Variants in FSHR observed in about 807,000 individuals in gnomAD.
The protein encoded by FSHR is follicle stimulating hormone receptor.
FSHR carries 46 observed loss-of-function variants against 52.1 expected under a neutral mutation model. The observed-to-expected ratio is 0.88, with a 90% CI of 0.70 to 1.13. FSHR has a LOEUF of 1.13. FSHR is among the 50% of genes most tolerant of loss of function. The pLI is 0.00. For missense variants in FSHR, 964 were observed against 834.6 expected (o/e 1.16, Z -1.91); for synonymous variants, 399 against 309.6 (o/e 1.29, Z -3.03).
At chr2:48,988,860 T>A (rs769821124) in intron 6 of FSHR, 117 bp downstream of exon 6, 2 of 782,866 alleles carry the variant, frequency 2.6e-6, no homozygotes, top group East Asian at 2.7e-5. Context: ...TGGAGAGTGA[T>A]TTAAGTGGAG....
chr2:49,139,598 A>AT (rs35872152), intron 1 of FSHR, among the ~76,000 whole-genome samples: 7,278 of 139,208 alleles, frequency 0.052, 583 homozygotes, highest in African/African-American at 0.18. Context: ...ACTTCCAAGA[A>AT]TTTTTTTTTT....
chr2:49,123,246 A>T (rs1671880391), intron 1 of FSHR, among the ~76,000 whole-genome samples: 1 of 152,104 alleles, frequency 6.6e-6, no homozygotes, highest in Non-Finnish European at 1.5e-5. Context: ...CACATCTATA[A>T]TCCTAGCACT....
At chr2:49,049,951 T>C (rs1010845425) in intron 2 of FSHR, among the ~76,000 whole-genome samples, 5 of 151,934 alleles carry the variant, frequency 3.3e-5, no homozygotes, top group Non-Finnish European at 5.9e-5. Context: ...AGTTCTTAGA[T>C]ACTGTAGAGT....
At chr2:49,116,374 G>T (rs1671600989) in intron 1 of FSHR, among the ~76,000 whole-genome samples, 2 of 152,258 alleles carry the variant, frequency 1.3e-5, no homozygotes, top group South Asian at 4.1e-4. Flanking sequence ...GTTACTTAGA[G>T]GCAAGGGGGT....
chr2:49,008,305 C>T (rs1010478586), intron 4 of FSHR, among the ~76,000 whole-genome samples: 1 of 140,354 alleles, frequency 7.1e-6, no homozygotes. Flanking sequence ...CGATAGTTTA[C>T]TGAGAATGAT....
intron 1 of FSHR, among the ~76,000 whole-genome samples, chr2:49,095,589 C>T: frequency 6.6e-6 from 1 of 151,934 alleles, no homozygotes; most frequent in East Asian, 1.9e-4. Context: ...AAATATGATG[C>T]CCAAAGCATA....
intron 1 of FSHR, among the ~76,000 whole-genome samples, chr2:49,120,798 C>G (rs1169637451): frequency 6.6e-6 from 1 of 152,234 alleles, no homozygotes; most frequent in African/African-American, 2.4e-5. Flanking sequence ...ACCACATTTG[C>G]TGACCTGTAG....
chr2:48,983,047 TA>T, intron 7 of FSHR, 50 bp downstream of exon 7: 1 of 1,609,192 alleles, frequency 6.2e-7, no homozygotes, highest in South Asian at 1.1e-5. Context: ...ATTGCTGTTG[TA>T]AGAGCCATTT....
intron 4 of FSHR, among the ~76,000 whole-genome samples, chr2:49,012,589 G>C (rs757559851): frequency 1.3e-5 from 2 of 152,070 alleles, no homozygotes; most frequent in Non-Finnish European, 2.9e-5. Flanking sequence ...GGACATTCAA[G>C]TCAAGTAGCA....
At chr2:48,984,586 A>T (rs987013882) in intron 6 of FSHR, among the ~76,000 whole-genome samples, 1 of 101,654 alleles carries the variant, frequency 9.8e-6, no homozygotes, top group African/African-American at 2.7e-5. Flanking sequence ...ATAATTGGGT[A>T]TTTTTTTTTT....
chr2:48,997,113 AG>A (rs983420650), intron 4 of FSHR: 112 of 498,846 alleles, frequency 2.2e-4, no homozygotes, highest in Middle Eastern at 1.0e-3. Flanking sequence ...CTTCAACTTA[AG>A]GTTTAGAGAC....
At chr2:49,118,894 CCT>C (rs1671699521) in intron 1 of FSHR, among the ~76,000 whole-genome samples, 1 of 152,216 alleles carries the variant, frequency 6.6e-6, no homozygotes, top group East Asian at 1.9e-4. Context: ...TGCATGGGAT[CCT>C]CTCTTGAGTA....
chr2:49,086,541 C>A (rs1237902780), intron 1 of FSHR, among the ~76,000 whole-genome samples: 1 of 152,230 alleles, frequency 6.6e-6, no homozygotes, highest in Non-Finnish European at 1.5e-5. Context: ...CATCTGGCTT[C>A]ATTTTATAAT....
chr2:49,068,318 A>G, intron 1 of FSHR, 28 bp from the exon 2 acceptor site: 1 of 1,569,662 alleles, frequency 6.4e-7, no homozygotes. Context: ...ATAAAATATC[A>G]CAACCTATCC....
intron 8 of FSHR, among the ~76,000 whole-genome samples, chr2:48,981,617 A>G (rs1675251323): frequency 6.6e-6 from 1 of 152,206 alleles, no homozygotes; most frequent in Non-Finnish European, 1.5e-5. Flanking sequence ...AGGATGATAA[A>G]TCTACCTTGA....
intron 2 of FSHR, among the ~76,000 whole-genome samples, chr2:49,040,608 G>A (rs879303628): frequency 6.6e-6 from 1 of 152,152 alleles, no homozygotes. Context: ...TATGTGGAGA[G>A]AGGTATGGTA....
chr2:49,107,097 C>A (rs1483659787), intron 1 of FSHR, among the ~76,000 whole-genome samples: 1 of 152,172 alleles, frequency 6.6e-6, no homozygotes, highest in Non-Finnish European at 1.5e-5. Context: ...AAAATTCAAA[C>A]TCCTCGCCAT....
chr2:49,044,278 G>T (rs12614817), intron 2 of FSHR, among the ~76,000 whole-genome samples: 2 of 151,880 alleles, frequency 1.3e-5, no homozygotes, highest in Non-Finnish European at 2.9e-5. Context: ...TCACATTTTC[G>T]GTTGGTGAGG....
intron 1 of FSHR, among the ~76,000 whole-genome samples, chr2:49,102,759 G>T (rs930897601): frequency 6.6e-6 from 1 of 152,158 alleles, no homozygotes; most frequent in East Asian, 1.9e-4. Context: ...AGTTGTATCC[G>T]AAATAATAAA....
Sources: allele counts gnomAD v4.1 joint callset (sites outside exome capture counted in the v4.1 genomes callset), GRCh38; gene constraint gnomAD v4.1.1; transcripts MANE v1.5; gene names NCBI Gene and HGNC (gene_info 2026-07-23, HGNC 2026-07-21).